Variants in OPCML observed in about 807,000 individuals in gnomAD.
OPCML encodes the protein opioid-binding protein/cell adhesion molecule.
OPCML carries 13 observed loss-of-function variants against 37.8 expected under a neutral mutation model. That is an observed-to-expected ratio of 0.34 (90% CI 0.22 to 0.55). The LOEUF is 0.55. Ranked by LOEUF, OPCML falls within the 20% of genes least tolerant of loss-of-function variation. The pLI is 0.91. For synonymous variants in OPCML, 176 were observed against 168.8 expected, an observed-to-expected ratio of 1.04 and a Z score of -0.33; for missense variants, 341 against 435.6, an observed-to-expected ratio of 0.78 and a Z score of 1.93.
intron 2 of OPCML, among the ~76,000 whole-genome samples, chr11:132,930,840 G>A (rs1945175623): frequency 6.6e-6 from 1 of 152,066 alleles, no homozygotes; most frequent in Admixed American, 6.5e-5. Flanking sequence ...AATCTCAAGA[G>A]ACTGGAAATA....
intron 4 of OPCML, among the ~76,000 whole-genome samples, chr11:132,501,688 A>G (rs2096246007): frequency 6.6e-6 from 1 of 152,218 alleles, no homozygotes. Flanking sequence ...ACCTTCTACC[A>G]TTATCAAGGG....
chr11:132,512,542 C>T (rs2096271024), intron 4 of OPCML, among the ~76,000 whole-genome samples: 1 of 151,834 alleles, frequency 6.6e-6, no homozygotes, highest in East Asian at 1.9e-4. Context: ...CCACACACAA[C>T]ATGAATAAAA....
intron 2 of OPCML, among the ~76,000 whole-genome samples, chr11:132,886,535 G>A (rs1165958931): frequency 3.3e-5 from 5 of 152,228 alleles, no homozygotes; most frequent in Admixed American, 6.5e-5. Flanking sequence ...TGGGTAATCC[G>A]AGTTTTCAGG....
At chr11:133,323,361 G>A (rs527855869) in intron 1 of OPCML, among the ~76,000 whole-genome samples, 1 of 152,356 alleles carries the variant, frequency 6.6e-6, no homozygotes, top group Non-Finnish European at 1.5e-5. Flanking sequence ...GGACAAAGGT[G>A]ATGAAATCAC....
intron 1 of OPCML, among the ~76,000 whole-genome samples, chr11:133,448,128 G>T (rs1423641593): frequency 6.6e-6 from 1 of 152,128 alleles, no homozygotes; most frequent in Non-Finnish European, 1.5e-5. Flanking sequence ...AGATCACAAA[G>T]ATTTTCTTTT....
intron 1 of OPCML, among the ~76,000 whole-genome samples, chr11:133,371,586 A>T (rs1350287450): frequency 6.6e-6 from 1 of 152,056 alleles, no homozygotes; most frequent in Admixed American, 6.6e-5. Context: ...GTGGTAGTTT[A>T]CCCTGCTCTC....
intron 1 of OPCML, chr11:133,004,424 C>A (rs1947067834): frequency 2.8e-5 from 28 of 985,342 alleles, no homozygotes; most frequent in Non-Finnish European, 3.4e-5. Flanking sequence ...CAATTGACAG[C>A]CAAGTCCCAG....
intron 1 of OPCML, among the ~76,000 whole-genome samples, chr11:133,477,482 C>T (rs1947269058): frequency 6.6e-6 from 1 of 152,160 alleles, no homozygotes; most frequent in African/African-American, 2.4e-5. Context: ...CACAGCCATT[C>T]AGGACTTCAG....
chr11:133,218,702 G>A (rs1412617580), intron 1 of OPCML, among the ~76,000 whole-genome samples: 4 of 152,092 alleles, frequency 2.6e-5, no homozygotes, highest in African/African-American at 7.2e-5. Context: ...GGGATTGCCT[G>A]GACACACGGT....
At chr11:132,441,460 G>A (rs930337607) in intron 4 of OPCML, among the ~76,000 whole-genome samples, 23 of 152,086 alleles carry the variant, frequency 1.5e-4, no homozygotes, top group Non-Finnish European at 1.8e-4. Flanking sequence ...GAGCCACCGC[G>A]CCCGGCCCAC....
chr11:133,288,983 A>T (rs549098212), intron 1 of OPCML, among the ~76,000 whole-genome samples: 1 of 152,180 alleles, frequency 6.6e-6, no homozygotes, highest in African/African-American at 2.4e-5. Context: ...AGGGACGCAC[A>T]TGTGGAACTC....
intron 1 of OPCML, among the ~76,000 whole-genome samples, chr11:133,345,728 G>A (rs1252328112): frequency 6.6e-6 from 1 of 152,184 alleles, no homozygotes; most frequent in African/African-American, 2.4e-5. Flanking sequence ...CTTCAGATCC[G>A]TGAAGAAAGA....
intron 1 of OPCML, chr11:133,005,618 C>G (rs546439811): frequency 2.7e-5 from 27 of 984,070 alleles, no homozygotes; most frequent in Non-Finnish European, 3.1e-5. Context: ...ACCTTCACAC[C>G]GCCCTTTCTG....
intron 1 of OPCML, among the ~76,000 whole-genome samples, chr11:133,383,031 G>A (rs774792580): frequency 3.3e-5 from 5 of 151,982 alleles, no homozygotes; most frequent in Non-Finnish European, 5.9e-5. Context: ...TTCCTCTCTT[G>A]GCCACCTTTT....
At chr11:132,438,701 G>T (rs1357823186) in intron 4 of OPCML, among the ~76,000 whole-genome samples, 5 of 151,962 alleles carry the variant, frequency 3.3e-5, no homozygotes, top group African/African-American at 1.2e-4. Context: ...CCAGTGTGCA[G>T]GGTGTAGGGT....
intron 3 of OPCML, among the ~76,000 whole-genome samples, chr11:132,560,776 T>C (rs577451674): frequency 6.6e-6 from 1 of 152,302 alleles, no homozygotes; most frequent in East Asian, 1.9e-4. Flanking sequence ...TTTGATGGGA[T>C]TGTTTTTTTC....
At chr11:133,411,668 A>C (rs1320922273) in intron 1 of OPCML, among the ~76,000 whole-genome samples, 1 of 152,086 alleles carries the variant, frequency 6.6e-6, no homozygotes, top group African/African-American at 2.4e-5. Flanking sequence ...CACACATGAG[A>C]GGAGGGGTGG....
chr11:132,942,728 C>A (rs147191949), intron 2 of OPCML, among the ~76,000 whole-genome samples, 198 bp downstream of exon 2: 1 of 152,214 alleles, frequency 6.6e-6, no homozygotes, highest in African/African-American at 2.4e-5. Flanking sequence ...AGATCCTGGA[C>A]CAGCATAGCC....
At chr11:132,441,462 CCGG>C (rs1189909573) in intron 4 of OPCML, among the ~76,000 whole-genome samples, 1 of 152,068 alleles carries the variant, frequency 6.6e-6, no homozygotes, top group Non-Finnish European at 1.5e-5. Context: ...GCCACCGCGC[CCGG>C]CCCACCAAGG....
Sources: allele counts gnomAD v4.1 joint callset (sites outside exome capture counted in the v4.1 genomes callset), GRCh38; gene constraint gnomAD v4.1.1; transcripts MANE v1.5; gene names NCBI Gene and HGNC (gene_info 2026-07-23, HGNC 2026-07-21).